The following VPS13B variants were observed in gnomAD, a reference collection of about 807,000 sequenced individuals.
The protein encoded by VPS13B is intermembrane lipid transfer protein VPS13B.
A neutral mutation model predicts 426.4 loss-of-function variants in VPS13B; 285 were observed. That is an observed-to-expected ratio of 0.67 (90% CI 0.61 to 0.74). The LOEUF (loss-of-function observed/expected upper bound fraction) is 0.74. Among genes scored for constraint, VPS13B ranks in the 30% least tolerant of loss-of-function variants. VPS13B has a pLI of 0.00. For missense variants in VPS13B, 4,537 were observed against 4,782.6 expected (o/e 0.95, Z 1.51); for synonymous variants, 1,676 against 1,676.4 (o/e 1.00, Z 0.01).
At chr8:99,539,819 C>G (rs994836845) in intron 30 of VPS13B, among the ~76,000 whole-genome samples, 1 of 150,776 alleles carries the variant, frequency 6.6e-6, no homozygotes, top group Non-Finnish European at 1.5e-5. Context: ...AGTATTGATG[C>G]TAACTTATTG....
At chr8:99,699,425 G>T in intron 35 of VPS13B, 100 bp from the exon 36 acceptor site, 1 of 1,303,566 alleles carries the variant, frequency 7.7e-7, no homozygotes, top group Non-Finnish European at 1.1e-6. Context: ...TCCATAATAT[G>T]GATCTTGGGA....
chr8:99,830,783 C>T (rs1164675277), intron 51 of VPS13B, among the ~76,000 whole-genome samples: 3 of 152,134 alleles, frequency 2.0e-5, no homozygotes, highest in South Asian at 2.1e-4. Flanking sequence ...CTGGGAAAAG[C>T]GTAGTATCTG....
chr8:99,417,695 A>G (rs1241047354), intron 21 of VPS13B, among the ~76,000 whole-genome samples: 1 of 152,190 alleles, frequency 6.6e-6, no homozygotes, highest in African/African-American at 2.4e-5. Context: ...ATTTATAACA[A>G]GACAGTGTTA....
intron 43 of VPS13B, among the ~76,000 whole-genome samples, chr8:99,793,737 T>A (rs1812674641): frequency 6.6e-6 from 1 of 152,046 alleles, no homozygotes; most frequent in Non-Finnish European, 1.5e-5. Flanking sequence ...GTGACAACCA[T>A]TTTGGACACA....
At chr8:99,575,030 G>A (rs1825709706) in intron 31 of VPS13B, among the ~76,000 whole-genome samples, 1 of 152,084 alleles carries the variant, frequency 6.6e-6, no homozygotes, top group African/African-American at 2.4e-5. Flanking sequence ...GCCAGGCATG[G>A]TGGTACATTC....
At chr8:99,193,914 C>T (rs1053661108) in intron 17 of VPS13B, among the ~76,000 whole-genome samples, 6 of 152,018 alleles carry the variant, frequency 3.9e-5, no homozygotes, top group South Asian at 2.1e-4. Context: ...AATGTTTGCA[C>T]ATACATAATG....
chr8:99,286,841 A>C (rs1819468457), intron 19 of VPS13B, among the ~76,000 whole-genome samples: 1 of 152,126 alleles, frequency 6.6e-6, no homozygotes, highest in Non-Finnish European at 1.5e-5. Flanking sequence ...CATGGTGGGA[A>C]AATTAAAGAG....
intron 14 of VPS13B, among the ~76,000 whole-genome samples, chr8:99,155,113 T>G (rs2132620212): frequency 6.6e-6 from 1 of 151,500 alleles, no homozygotes; most frequent in African/African-American, 2.4e-5. Context: ...CTGGAAAATG[T>G]AAGGATACAG....
chr8:99,121,462 GCTGTTTATATCTCTAT>G lies in VPS13B; in HGVS notation c.1206+19_1206+34del, dbSNP rs750619814. 5.9e-4 allele frequency: 947 copies of G among 1,613,818 alleles called. 6 individuals are homozygous for G. The highest frequency in any genetic ancestry group is 1.2e-4 in the Non-Finnish European group (147 of 1,179,874). On this transcript the variant is annotated intron_variant, in intron 8 of 61. Coordinates refer to ENST00000357162, the MANE Select transcript of VPS13B (RefSeq NM_152564.5). ...ACTTTCAAAGTAGGTCTTTTCTCTT[GCTGTTTATATCTCTAT>G]CAACTTTAATGCTTAAATTTGGATT...
chr8:99,817,149 G>A (rs1024059127), intron 44 of VPS13B, among the ~76,000 whole-genome samples: 1 of 151,612 alleles, frequency 6.6e-6, no homozygotes, highest in African/African-American at 2.4e-5. Context: ...TTTTCACCCC[G>A]AGTCTGCCCT....
At chr8:99,850,397 G>A (rs565220902) in intron 55 of VPS13B, among the ~76,000 whole-genome samples, 121 of 148,820 alleles carry the variant, frequency 8.1e-4, no homozygotes, top group Non-Finnish European at 1.4e-3. Flanking sequence ...ACATAAGTAC[G>A]CATGTATGTA....
chr8:99,135,764 A>G, intron 11 of VPS13B, 31 bp downstream of exon 11: 1 of 1,612,216 alleles, frequency 6.2e-7, no homozygotes, highest in Admixed American at 1.7e-5. Context: ...ACCAAATTCT[A>G]GGCTGTGTTT....
At chr8:99,699,131 CTTTTTTTTT>C (rs370004663) in intron 35 of VPS13B, among the ~76,000 whole-genome samples, 1 of 90,556 alleles carries the variant, frequency 1.1e-5, no homozygotes, top group African/African-American at 4.0e-5. Context: ...TAAGGAAAGT[CTTTTTTTTT>C]TTTTTTTTTT....
chr8:99,621,247 T>C (rs1828335830), intron 33 of VPS13B, among the ~76,000 whole-genome samples: 4 of 152,220 alleles, frequency 2.6e-5, no homozygotes. Flanking sequence ...AGTCTCTCTG[T>C]ATATGGAGAT....
chr8:99,170,265 A>T lies in VPS13B; in HGVS notation c.2333+102A>T, dbSNP rs1031182439. 2.5e-5 allele frequency: 35 copies of T among 1,397,424 alleles called. No individual in the cohort carries two copies. In the South Asian group the frequency reaches 3.6e-4, roughly 14 times the overall value. The allele number at this position is 1,397,424 out of a possible 1,614,324, so 86.6% of individuals were successfully genotyped here. A position where few individuals can be genotyped will look rare whatever the true frequency, so the allele number is the denominator to read the frequency against. On this transcript the variant is annotated intron_variant, in intron 16 of 61. Coordinates refer to ENST00000357162, the MANE Select transcript of VPS13B (RefSeq NM_152564.5). ...TCTTATGCCCATGCTAGTTTTATAC[A>T]AAACTTTAGAAAAAAAATCTAAACT...
chr8:99,496,379 TG>T (rs1365390101), intron 25 of VPS13B, among the ~76,000 whole-genome samples: 2 of 152,154 alleles, frequency 1.3e-5, no homozygotes, highest in Non-Finnish European at 2.9e-5. Flanking sequence ...AGACTGGGCA[TG>T]TTGGCTCACG....
chr8:99,731,934 C>T (rs1833619861), intron 39 of VPS13B, among the ~76,000 whole-genome samples: 1 of 152,138 alleles, frequency 6.6e-6, no homozygotes. Flanking sequence ...TTGCTATCCC[C>T]CTATTACAAT....
intron 22 of VPS13B, among the ~76,000 whole-genome samples, chr8:99,437,171 A>G (rs1817424584): frequency 6.6e-6 from 1 of 152,194 alleles, no homozygotes. Context: ...AAGTTTGTGC[A>G]GGTAATTATG....
intron 19 of VPS13B, among the ~76,000 whole-genome samples, chr8:99,308,695 A>T (rs1820780473): frequency 6.6e-6 from 1 of 152,236 alleles, no homozygotes. Context: ...GTGTATCCCC[A>T]GTAATGGGAT....
Sources: allele counts gnomAD v4.1 joint callset (sites outside exome capture counted in the v4.1 genomes callset), GRCh38; gene constraint gnomAD v4.1.1; transcripts MANE v1.5; gene names NCBI Gene and HGNC (gene_info 2026-07-23, HGNC 2026-07-21).